Variants in SCAF8 observed in about 807,000 individuals in gnomAD.
SCAF8 encodes SR-related CTD associated factor 8.
SCAF8 carries 23 observed loss-of-function variants against 140.5 expected under a neutral mutation model. The ratio of observed to expected loss-of-function variants is 0.16; its 90% CI spans 0.12 to 0.23. The LOEUF (loss-of-function observed/expected upper bound fraction) is 0.23, where lower values mean the gene tolerates loss of function less well. Ranked by LOEUF, SCAF8 falls within the 10% of genes least tolerant of loss-of-function variation. SCAF8 has a pLI of 1.00. For synonymous variants in SCAF8, 575 were observed against 528.9 expected, an observed-to-expected ratio of 1.09 and a Z score of -1.20; for missense variants, 1,397 against 1,555.7, an observed-to-expected ratio of 0.90 and a Z score of 1.72.
chr6:154,759,953 G>A (rs1232405461), intron 1 of SCAF8, among the ~76,000 whole-genome samples: 1 of 152,020 alleles, frequency 6.6e-6, no homozygotes, highest in Non-Finnish European at 1.5e-5. Context: ...ACAGGCGTGA[G>A]CCACCGTGCC....
chr6:154,815,900 C>T, intron 13 of SCAF8, 84 bp downstream of exon 13: 1 of 695,936 alleles, frequency 1.4e-6, no homozygotes, highest in Non-Finnish European at 2.5e-6. Flanking sequence ...CCTAATTAGC[C>T]CAGTAATGTC....
At chr6:154,734,469 T>G (rs1251820511) in intron 1 of SCAF8, among the ~76,000 whole-genome samples, 1 of 152,188 alleles carries the variant, frequency 6.6e-6, no homozygotes, top group Non-Finnish European at 1.5e-5. Flanking sequence ...GCTAGGGACT[T>G]GAGCTAATTG....
rs1778779159 is a variant in SCAF8, at chr6:154,832,565, A to G, written c.2986A>G (p.Asn996Asp). Residue 996 changes from asparagine (N) to aspartate (D), a missense_variant, in exon 20 of 20, where the codon AAC becomes GAC. Transcript: ENST00000367178. ...AAGACAAAGCGTAGACAATGTTACT[A>G]ACCCAGAAAAAAGGATACCACTTGG... ...PGRQSVDNVT[N>D]PEKRIPLGND... 6.2e-7 allele frequency: 1 copy of G among 1,614,194 alleles called. No homozygotes were observed.
At chr6:154,828,951 C>T (rs764526902) in intron 18 of SCAF8, among the ~76,000 whole-genome samples, 9 of 152,134 alleles carry the variant, frequency 5.9e-5, no homozygotes, top group Non-Finnish European at 1.3e-4. Context: ...AGTAGTGTTA[C>T]TGCCAACAAG....
intron 12 of SCAF8, among the ~76,000 whole-genome samples, chr6:154,814,532 T>G (rs1157348240): frequency 6.6e-6 from 1 of 152,166 alleles, no homozygotes; most frequent in African/African-American, 2.4e-5. Context: ...AGAGACCTGG[T>G]TGAAAAGCCT....
intron 12 of SCAF8, among the ~76,000 whole-genome samples, chr6:154,812,205 G>A (rs1483071239): frequency 1.5e-5 from 2 of 135,008 alleles, no homozygotes; most frequent in Non-Finnish European, 3.1e-5. Context: ...TTTTTAAATA[G>A]GTTGAAGGGT....
intron 4 of SCAF8, among the ~76,000 whole-genome samples, chr6:154,788,777 G>A (rs1240729798): frequency 6.6e-6 from 1 of 152,170 alleles, no homozygotes; most frequent in Non-Finnish European, 1.5e-5. Flanking sequence ...TCTATAAATA[G>A]CAAGTAAAAA....
At chr6:154,771,713 C>A (rs943487467) in intron 1 of SCAF8, among the ~76,000 whole-genome samples, 2 of 152,124 alleles carry the variant, frequency 1.3e-5, no homozygotes, top group African/African-American at 4.8e-5. Context: ...AAGATGGCAA[C>A]AGTAGATACT....
At chr6:154,821,171 T>G (rs904466318) in intron 15 of SCAF8, among the ~76,000 whole-genome samples, 1 of 152,158 alleles carries the variant, frequency 6.6e-6, no homozygotes, top group Non-Finnish European at 1.5e-5. Context: ...GTGAGACAAA[T>G]AGACAAAAAT....
rs117069052 is a variant in SCAF8 at position 154,809,020 on chromosome 6, A to G, written c.1226+222A>G. Among the ~76,000 whole-genome samples, 45 of 152,294 alleles carry G rather than the reference A, an allele frequency of 3.0e-4. 2 individuals carry two copies. In the East Asian group the frequency reaches 8.7e-3, roughly 29 times the overall value. On this transcript the variant is annotated intron_variant, in intron 11 of 19. Transcript: ENST00000367178. ...TTTACATAAGATTGGCAGCCATATC[A>G]TGAGACAGGGATTTTGAATTATATT...
intron 2 of SCAF8, 70 bp from the exon 3 acceptor site, chr6:154,777,931 A>G (rs947037623): frequency 1.1e-5 from 10 of 934,170 alleles, no homozygotes; most frequent in East Asian, 9.9e-5. Context: ...TGTAAAACCT[A>G]TGGTTAGCAG....
At chr6:154,797,104 A>T (rs544824834) in intron 6 of SCAF8, among the ~76,000 whole-genome samples, 1 of 151,836 alleles carries the variant, frequency 6.6e-6, no homozygotes, top group African/African-American at 2.4e-5. Flanking sequence ...TTCCTGAATA[A>T]ATTTTATAAT....
At chr6:154,758,877 T>TG (rs1779030780) in intron 1 of SCAF8, among the ~76,000 whole-genome samples, 1 of 152,226 alleles carries the variant, frequency 6.6e-6, no homozygotes, top group Non-Finnish European at 1.5e-5. Flanking sequence ...CTCTACAGCA[T>TG]GGAGGAGTCC....
At chr6:154,737,076 ATAAG>A (rs767739054) in intron 1 of SCAF8, among the ~76,000 whole-genome samples, 4 of 152,200 alleles carry the variant, frequency 2.6e-5, no homozygotes, top group African/African-American at 7.2e-5. Context: ...GTTATTGCAA[ATAAG>A]TATATGCTGA....
At chr6:154,787,328 A>G (rs1252107973) in intron 3 of SCAF8, among the ~76,000 whole-genome samples, 1 of 152,274 alleles carries the variant, frequency 6.6e-6, no homozygotes, top group Non-Finnish European at 1.5e-5. Flanking sequence ...ACTGCACTCC[A>G]GGCTGGATGA....
chr6:154,832,998 G>A lies in SCAF8; in HGVS notation c.3419G>A (p.Gly1140Glu). The A allele has an allele frequency of 6.2e-7, 1 of 1,614,152 alleles. No homozygotes were observed. The highest frequency in any genetic ancestry group is 8.5e-7 in the Non-Finnish European group (1 of 1,180,014). Residue 1140 changes from glycine (G) to glutamate (E), a missense_variant, in exon 20 of 20, where the codon GGA (glycine) becomes GAA (glutamate). Gly to Glu is a moderately conservative substitution (Grantham distance 98, BLOSUM62 -2). Coordinates refer to ENST00000367178, the MANE Select transcript of SCAF8 (RefSeq NM_014892.5). ...CCTAGAAGTGGTCCTTGGAACCGAG[G>A]ATTTGGACAAGAAGTTCACAGAGAT... ...FDPRSGPWNR[G>E]FGQEVHRDFD...
At position 154,834,116 on chromosome 6, in the gene SCAF8, T is replaced by C. The variant is rs1412400960; in HGVS notation, c.*721T>C. On this transcript the variant is annotated 3_prime_UTR_variant, in exon 20 of 20. Coordinates refer to ENST00000367178, the MANE Select transcript of SCAF8 (RefSeq NM_014892.5). The stretch of plus-strand genomic sequence containing the variant: ...TATAAATTCTTAAAACCTTGAATTA[T>C]TATTAGCATGTGCTTATTTTTTGCA... 2.6e-5 allele frequency: 4 copies of C among 152,224 alleles called. No individual in the cohort carries two copies. Among genetic ancestry groups the C allele is most frequent in the Admixed American group, 1.3e-4 (2 of 15,280 alleles). 9.4% of individuals were successfully genotyped at this position (152,224 alleles called of 1,614,324 possible).
intron 19 of SCAF8, 30 bp from the exon 20 acceptor site, chr6:154,831,909 T>G: frequency 6.5e-7 from 1 of 1,549,564 alleles, no homozygotes; most frequent in Non-Finnish European, 8.7e-7. Context: ...ACTGTTATTT[T>G]GAGTTTTTTC....
chr6:154,757,626 T>C (rs1262789214), intron 1 of SCAF8, among the ~76,000 whole-genome samples: 1 of 152,156 alleles, frequency 6.6e-6, no homozygotes, highest in African/African-American at 2.4e-5. Context: ...AAAAATACCT[T>C]TATTGGCTGC....
Sources: gnomAD v4.1 joint callset for allele counts (sites outside exome capture counted in the v4.1 genomes callset) on GRCh38, gnomAD v4.1.1 for gene constraint, MANE v1.5 for transcripts, NCBI Gene and HGNC (gene_info 2026-07-23, HGNC 2026-07-21) for gene names.